SYCP2L: variants seen among roughly 807,000 people sequenced by gnomAD.
The protein encoded by SYCP2L is synaptonemal complex protein 2 like, also known as synaptonemal complex protein 2-like.
A neutral mutation model predicts 125.8 loss-of-function variants in SYCP2L; 98 were observed. That is an observed-to-expected ratio of 0.78 (90% CI 0.66 to 0.92). The LOEUF (loss-of-function observed/expected upper bound fraction) is 0.92, where lower values mean the gene tolerates loss of function less well. Ranked by LOEUF, SYCP2L falls within the 40% of genes least tolerant of loss-of-function variation. The pLI is 0.00. For synonymous variants in SYCP2L, 317 were observed against 325.4 expected, an observed-to-expected ratio of 0.97 and a Z score of 0.28; for missense variants, 842 against 936.4, an observed-to-expected ratio of 0.90 and a Z score of 1.32.
intron 23 of SYCP2L, among the ~76,000 whole-genome samples, chr6:10,952,576 G>T (rs1781429937): frequency 1.2e-5 from 1 of 80,026 alleles, no homozygotes; most frequent in South Asian, 6.0e-4. Context: ...CTACAAATTT[G>T]CCACCAAGAA....
intron 14 of SYCP2L, among the ~76,000 whole-genome samples, chr6:10,914,597 G>A (rs6932504): frequency 0.7 from 105,763 of 151,316 alleles, 37,497 homozygotes; most frequent in East Asian, 0.99. Flanking sequence ...TTTTGGCAGT[G>A]TGATCATTTT....
intron 29 of SYCP2L, among the ~76,000 whole-genome samples, chr6:10,967,313 T>G (rs1781698802): frequency 6.6e-6 from 1 of 152,144 alleles, no homozygotes; most frequent in Non-Finnish European, 1.5e-5. Flanking sequence ...TTAGGAAGTT[T>G]CTATAACTTT....
chr6:10,944,192 C>T (rs192866490), intron 23 of SYCP2L, among the ~76,000 whole-genome samples: 3 of 152,300 alleles, frequency 2.0e-5, no homozygotes, highest in Admixed American at 2.0e-4. Context: ...TGCTTTACAT[C>T]CTCACCAACA....
At chr6:10,939,885 G>A (rs1781182455) in intron 21 of SYCP2L, among the ~76,000 whole-genome samples, 1 of 152,114 alleles carries the variant, frequency 6.6e-6, no homozygotes, top group South Asian at 2.1e-4. Context: ...AGCAAAGAAA[G>A]CAATCAATCA....
At chr6:10,910,319 A>T in intron 11 of SYCP2L, 119 bp downstream of exon 11, 1 of 888,050 alleles carries the variant, frequency 1.1e-6, no homozygotes, top group Non-Finnish European at 1.7e-6. Flanking sequence ...TCATTTACAG[A>T]GTATACTGAG....
chr6:10,964,622 T>A (rs1204443978), intron 29 of SYCP2L, among the ~76,000 whole-genome samples: 1 of 152,204 alleles, frequency 6.6e-6, no homozygotes, highest in Non-Finnish European at 1.5e-5. Flanking sequence ...TATCAGATTT[T>A]CAGATTAGGT....
At chr6:10,930,266 A>G (rs1219389336) in intron 18 of SYCP2L, 104 bp from the exon 19 acceptor site, 2 of 1,211,926 alleles carry the variant, frequency 1.7e-6, no homozygotes, top group Non-Finnish European at 2.3e-6. Context: ...CCAGTCTTCT[A>G]GAAGGGTACT....
In SYCP2L at chr6:10,894,069, T is replaced by G; in HGVS notation, c.217-16T>G. 2 of 1,604,552 alleles carry G rather than the reference T, an allele frequency of 1.2e-6. No homozygotes were observed. Among genetic ancestry groups the G allele is most frequent in the Admixed American group, 3.5e-5 (2 of 57,170 alleles). On this transcript the variant is annotated splice_polypyrimidine_tract_variant and intron_variant, in intron 3 of 29. Coordinates refer to ENST00000283141, the MANE Select transcript of SYCP2L (RefSeq NM_001040274.3). ...ATTATTTATAAGTGTTTTAACTTAG[T>G]GTGGTTTATACCTAGGAACTAGATA...
chr6:10,936,350 A>G (rs1781094868), intron 21 of SYCP2L, among the ~76,000 whole-genome samples: 1 of 152,050 alleles, frequency 6.6e-6, no homozygotes, highest in Admixed American at 6.6e-5. Flanking sequence ...TACAAAAACT[A>G]GCCAGGCATG....
intron 14 of SYCP2L, among the ~76,000 whole-genome samples, chr6:10,923,683 C>CTTTTTTTTTTTT (rs372980518): frequency 8.2e-6 from 1 of 122,348 alleles, no homozygotes; most frequent in Non-Finnish European, 1.6e-5. Flanking sequence ...TTTTCTTTTT[C>CTTTTTTTTTTTT]TTTTTTTTTT....
At chr6:10,939,213 C>T (rs1174791202) in intron 21 of SYCP2L, among the ~76,000 whole-genome samples, 2 of 151,744 alleles carry the variant, frequency 1.3e-5, no homozygotes, top group African/African-American at 4.8e-5. Flanking sequence ...AACTATAAGA[C>T]ATTGATGAAA....
chr6:10,960,245 T>C (rs1030222245), intron 26 of SYCP2L, among the ~76,000 whole-genome samples: 1 of 152,236 alleles, frequency 6.6e-6, no homozygotes, highest in Non-Finnish European at 1.5e-5. Flanking sequence ...TGGAATACAT[T>C]ATTTGAATAG....
chr6:10,927,242 C>T lies in SYCP2L; in HGVS notation c.1315C>T (p.Gln439Ter). The change falls in exon 17 of 30, where the codon CAG (glutamine) becomes TAG (stop). Residue 439 changes from glutamine (Q) to a stop codon, truncating the protein, a stop_gained and splice_region_variant. Coordinates refer to ENST00000283141, the MANE Select transcript of SYCP2L (RefSeq NM_001040274.3). LOFTEE classifies it high-confidence loss of function. ...SPSGLERETE[Q>*]AEESTNMVEF... ...AGTCTTTTTCTTAATTTGTATAGAG[C>T]AGGCAGAAGAATCCACTAACATGGT... The T allele has an allele frequency of 6.2e-7, 1 of 1,613,986 alleles. No individual in the cohort carries two copies. The highest frequency in any genetic ancestry group is 8.5e-7 in the Non-Finnish European group (1 of 1,179,944).
chr6:10,915,779 T>C, intron 14 of SYCP2L, among the ~76,000 whole-genome samples: 1 of 152,170 alleles, frequency 6.6e-6, no homozygotes, highest in East Asian at 1.9e-4. Context: ...GTCTGTAGTT[T>C]TCTTTTTTGG....
chr6:10,960,069 A>C (rs778427313), intron 26 of SYCP2L, among the ~76,000 whole-genome samples: 1 of 152,098 alleles, frequency 6.6e-6, no homozygotes, highest in Non-Finnish European at 1.5e-5. Context: ...GTGATTACCA[A>C]TGGAAGTGCT....
intron 14 of SYCP2L, among the ~76,000 whole-genome samples, chr6:10,915,964 T>C (rs1484148438): frequency 6.6e-6 from 1 of 152,214 alleles, no homozygotes; most frequent in Non-Finnish European, 1.5e-5. Context: ...CTTTTTGGTG[T>C]TGGTAATTTT....
intron 14 of SYCP2L, among the ~76,000 whole-genome samples, chr6:10,919,143 A>G (rs1036434738): frequency 6.6e-6 from 1 of 152,150 alleles, no homozygotes; most frequent in African/African-American, 2.4e-5. Context: ...AGGGTGTTAA[A>G]GAACCTTATT....
intron 29 of SYCP2L, among the ~76,000 whole-genome samples, chr6:10,969,566 G>A (rs905025849): frequency 4.6e-5 from 7 of 151,528 alleles, no homozygotes; most frequent in East Asian, 3.9e-4. Context: ...GGGTTTCACC[G>A]TTTTAGCCAG....
Position 10,961,295 on chromosome 6 carries a change from T to C in SYCP2L, c.2256-10T>C. 6.2e-7 allele frequency: 1 copy of C among 1,605,966 alleles called. No homozygotes were observed. The highest frequency in any genetic ancestry group is 8.5e-7 in the Non-Finnish European group (1 of 1,172,746). ...ATCCCAATGATATTTACTGCTTTTA[T>C]GTTTATTAGACTCAATAAACTAGAG... On this transcript the variant is annotated splice_polypyrimidine_tract_variant and intron_variant, in intron 26 of 29. Coordinates refer to ENST00000283141, the MANE Select transcript of SYCP2L (RefSeq NM_001040274.3).
Sources: gnomAD v4.1 joint callset for allele counts (sites outside exome capture counted in the v4.1 genomes callset) on GRCh38, gnomAD v4.1.1 for gene constraint, MANE v1.5 for transcripts, NCBI Gene and HGNC (gene_info 2026-07-23, HGNC 2026-07-21) for gene names.